Variants in DRC1 observed in about 807,000 individuals in gnomAD.
The protein encoded by DRC1 is dynein regulatory complex protein 1.
A neutral mutation model predicts 98.7 loss-of-function variants in DRC1; 74 were observed. The observed-to-expected ratio is 0.75, with a 90% CI of 0.62 to 0.91. DRC1 has a LOEUF of 0.91. Ranked by LOEUF, DRC1 falls within the 40% of genes least tolerant of loss-of-function variation. The pLI, the probability that DRC1 is intolerant of heterozygous loss-of-function variation, is 0.00. For synonymous variants in DRC1, 336 were observed against 334.1 expected, an observed-to-expected ratio of 1.01 and a Z score of -0.06; for missense variants, 875 against 886.0, an observed-to-expected ratio of 0.99 and a Z score of 0.16.
chr2:26,442,639 T>G (rs115012446), intron 8 of DRC1, among the ~76,000 whole-genome samples: 1 of 152,156 alleles, frequency 6.6e-6, no homozygotes, highest in Non-Finnish European at 1.5e-5. Flanking sequence ...GCCAACCTCA[T>G]ATCCCCAATC....
At chr2:26,422,257 G>T (rs910884022) in intron 3 of DRC1, among the ~76,000 whole-genome samples, 1 of 152,232 alleles carries the variant, frequency 6.6e-6, no homozygotes, top group African/African-American at 2.4e-5. Flanking sequence ...TGGAAGAAAA[G>T]AGAAGAGGCT....
intron 13 of DRC1, among the ~76,000 whole-genome samples, chr2:26,452,093 C>CA (rs35773772): frequency 0.011 from 1,504 of 142,134 alleles, 24 homozygotes; most frequent in African/African-American, 0.038. Flanking sequence ...TATGTTGGCG[C>CA]AAAAAAAAAA....
intron 13 of DRC1, 53 bp from the exon 14 acceptor site, chr2:26,453,267 A>T (rs1664052857): frequency 6.2e-7 from 1 of 1,601,732 alleles, no homozygotes; most frequent in African/African-American, 1.3e-5. Flanking sequence ...CTCTCTCTCC[A>T]TGCTCATGCT....
chr2:26,418,162 G>A (rs1036124627), intron 2 of DRC1, among the ~76,000 whole-genome samples: 2 of 151,964 alleles, frequency 1.3e-5, no homozygotes, highest in African/African-American at 4.8e-5. Flanking sequence ...TACTGAGTCC[G>A]ATGGGAGCCA....
chr2:26,450,188 C>T (rs920953466), intron 12 of DRC1, 103 bp downstream of exon 12: 25 of 1,101,282 alleles, frequency 2.3e-5, no homozygotes, highest in South Asian at 2.2e-4. Flanking sequence ...GAGGGTCTCC[C>T]GGGGCTTCCC....
In DRC1 at chr2:26,456,631, G is replaced by A. The variant is rs1664185804; in HGVS notation, c.*114G>A. On this transcript the variant is annotated 3_prime_UTR_variant, in exon 17 of 17. Transcript: ENST00000288710. ...TGGGCCTGCTCTCTGGATTTTCCAG[G>A]GCTGTCTTTATAGCCTGTCGAAATA... 2 of 1,290,778 alleles carry A rather than the reference G, an allele frequency of 1.5e-6. No individual in the cohort carries two copies. Among genetic ancestry groups the A allele is most frequent in the African/African-American group, 2.9e-5 (2 of 67,936 alleles). The allele number at this position is 1,290,778 out of a possible 1,614,324, so 80.0% of individuals were successfully genotyped here. A position where few individuals can be genotyped will look rare whatever the true frequency, so the allele number is the denominator to read the frequency against.
chr2:26,408,837 C>T (rs1678505571), intron 1 of DRC1, among the ~76,000 whole-genome samples: 2 of 152,016 alleles, frequency 1.3e-5, no homozygotes, highest in Non-Finnish European at 1.5e-5. Flanking sequence ...CAAAGCAGCC[C>T]GATTAAATCA....
Position 26,402,190 on chromosome 2 carries a change from G to A in DRC1, c.155+46G>A, listed in dbSNP as rs537502582. The stretch of plus-strand genomic sequence containing the variant: ...GGCGGGATCCGCGCCGCAGGAGCCG[G>A]AGAAGGGCTGGTTTCCTGATGAAAT... On this transcript the variant is annotated intron_variant, in intron 1 of 16. Coordinates refer to ENST00000288710, the MANE Select transcript of DRC1 (RefSeq NM_145038.5). 4.9e-5 allele frequency: 75 copies of A among 1,516,472 alleles called. No homozygotes were observed. The South Asian group carries it at 8.7e-4, about 18-fold the overall frequency. The allele number at this position is 1,516,472 out of a possible 1,614,324, so 93.9% of individuals were successfully genotyped here. A position where few individuals can be genotyped will look rare whatever the true frequency, so the allele number is the denominator to read the frequency against.
At chr2:26,446,246 G>T (rs1422096407) in intron 10 of DRC1, among the ~76,000 whole-genome samples, 1 of 152,020 alleles carries the variant, frequency 6.6e-6, no homozygotes, top group Non-Finnish European at 1.5e-5. Context: ...AAAGACTCAT[G>T]CCACAATGCC....
Position 26,455,182 on chromosome 2 carries a change from G to A in DRC1, c.2115G>A (p.Glu705=). Residue 705 remains glutamate, a synonymous_variant, in exon 16 of 17, where the codon GAG becomes GAA. Transcript: ENST00000288710. The stretch of plus-strand genomic sequence containing the variant: ...TGCTGCTGGAAAACAGTTCTCTGGA[G>A]CAGCAGAACACAGAGCTGCAGGCGC... The part of the protein sequence containing the change: ...AKLLLENSSL[E]QQNTELQALL... 1 of 1,614,142 alleles carries A rather than the reference G, an allele frequency of 6.2e-7. No homozygotes were observed. The highest frequency in any genetic ancestry group is 8.5e-7 in the Non-Finnish European group (1 of 1,180,044).
chr2:26,402,106 G>A lies in DRC1; in HGVS notation c.117G>A (p.Arg39=). The A allele has an allele frequency of 6.2e-7, 1 of 1,612,174 alleles. No individual in the cohort carries two copies. Among genetic ancestry groups the A allele is most frequent in the South Asian group, 1.1e-5 (1 of 91,000 alleles). Residue 39 remains arginine, a synonymous_variant, in exon 1 of 17, where the codon CGG becomes CGA. Transcript: ENST00000288710. ...SDNSQERIQA[R]RLRIAARLEA... ...ACTCTCAGGAGCGCATCCAGGCCCG[G>A]CGCCTCCGCATCGCTGCGCGCTTAG...
chr2:26,447,892 A>T (rs1572383114), intron 10 of DRC1, among the ~76,000 whole-genome samples: 3 of 151,080 alleles, frequency 2.0e-5, no homozygotes, highest in South Asian at 4.2e-4. Context: ...AATTAAGAAA[A>T]TTTTTGGCTC....
chr2:26,420,283 A>G (rs375542203), intron 2 of DRC1, among the ~76,000 whole-genome samples: 1 of 152,146 alleles, frequency 6.6e-6, no homozygotes, highest in East Asian at 1.9e-4. Context: ...AAAGGTACCT[A>G]TTTTGGGAAG....
chr2:26,429,185 GATTATTATTATTATTATTATT>G (rs10555604), intron 4 of DRC1, among the ~76,000 whole-genome samples: 5 of 30,894 alleles, frequency 1.6e-4, no homozygotes, highest in Non-Finnish European at 3.1e-4. Flanking sequence ...TTGTACAGAT[GATTATTATTATTATTATTATT>G]ATTATTATTA....
chr2:26,444,322 G>A lies in DRC1; in HGVS notation c.1129G>A (p.Val377Met), dbSNP rs768598799. The change falls in exon 9 of 17, where the codon GTG becomes ATG. Residue 377 changes from valine to methionine, a missense_variant. Transcript: ENST00000288710. Reference sequence around the variant, plus strand: ...TCTAACCTCGGACTACAAACGTCTTGTGATGCAATTCAAGGAGCTACAGAA... The same window carrying A: ...TCTAACCTCGGACTACAAACGTCTTATGATGCAATTCAAGGAGCTACAGAA... ...QSLTSDYKRLVMQFKELQKAM... is the reference protein window; with the variant it reads ...QSLTSDYKRLMMQFKELQKAM... 1.2e-6 allele frequency: 2 copies of A among 1,614,214 alleles called. No individual in the cohort carries two copies. Among genetic ancestry groups the A allele is most frequent in the Non-Finnish European group, 1.7e-6 (2 of 1,180,034 alleles).
intron 4 of DRC1, among the ~76,000 whole-genome samples, chr2:26,428,333 A>G (rs1663337147): frequency 1.3e-5 from 2 of 152,342 alleles, no homozygotes; most frequent in South Asian, 4.1e-4. Context: ...ACATCATAAC[A>G]TGTGCTTACA....
At chr2:26,435,604 A>G (rs1663548696) in intron 7 of DRC1, among the ~76,000 whole-genome samples, 1 of 152,096 alleles carries the variant, frequency 6.6e-6, no homozygotes, top group South Asian at 2.1e-4. Context: ...CCCAGTGTCT[A>G]CTGTTCCCCT....
chr2:26,453,379 G>A lies in DRC1; in HGVS notation c.1749G>A (p.Arg583=). 1 of 1,614,238 alleles carries A rather than the reference G, an allele frequency of 6.2e-7. No homozygotes were observed. Among genetic ancestry groups the A allele is most frequent in the Non-Finnish European group, 8.5e-7 (1 of 1,180,048 alleles). The stretch of plus-strand genomic sequence containing the variant: ...CGAGCATGGAGGAGACAAGCACGAG[G>A]TCAGAATTGGAGCTGGCAGAGCAGA... ...EKASMEETST[R]SELELAEQTE... is the part of the protein sequence containing the mutation. Residue 583 remains arginine (R), a synonymous_variant, in exon 14 of 17, where the codon AGG becomes AGA. Coordinates refer to ENST00000288710, the MANE Select transcript of DRC1 (RefSeq NM_145038.5).
At chr2:26,430,004 A>T (rs1408572816) in intron 5 of DRC1, among the ~76,000 whole-genome samples, 2 of 152,222 alleles carry the variant, frequency 1.3e-5, no homozygotes, top group Non-Finnish European at 2.9e-5. Context: ...TGAACAAAAC[A>T]AAGTTCCTGG....
Sources: allele counts gnomAD v4.1 joint callset (sites outside exome capture counted in the v4.1 genomes callset), GRCh38; gene constraint gnomAD v4.1.1; transcripts MANE v1.5; gene names NCBI Gene and HGNC (gene_info 2026-07-23, HGNC 2026-07-21).